Variants in PTPRC observed in about 807,000 individuals in gnomAD.
The protein encoded by PTPRC is receptor-type tyrosine-protein phosphatase C.
PTPRC carries 44 observed loss-of-function variants against 155.9 expected under a neutral mutation model. The ratio of observed to expected loss-of-function variants is 0.28; its 90% CI spans 0.22 to 0.36. The LOEUF is 0.36. PTPRC is among the 10% of genes least tolerant of loss of function. The pLI, the probability that PTPRC is intolerant of heterozygous loss-of-function variation, is 1.00. For missense variants in PTPRC, 1,401 were observed against 1,564.6 expected (o/e 0.90, Z 1.76); for synonymous variants, 525 against 533.1 (o/e 0.98, Z 0.21).
At chr1:198,677,467 T>A (rs1172804452) in intron 2 of PTPRC, among the ~76,000 whole-genome samples, 1 of 152,038 alleles carries the variant, frequency 6.6e-6, no homozygotes, top group Non-Finnish European at 1.5e-5. Context: ...CATTGCTATT[T>A]TTTTTTTTTC....
At chr1:198,696,600 T>C (rs1278932117) in intron 3 of PTPRC, 112 bp from the exon 4 acceptor site, 2 of 874,048 alleles carry the variant, frequency 2.3e-6, no homozygotes, top group East Asian at 2.4e-5. Context: ...TGTAGATATA[T>C]GTACATACAC....
intron 2 of PTPRC, among the ~76,000 whole-genome samples, chr1:198,686,788 T>G (rs1665647570): frequency 6.6e-6 from 1 of 152,236 alleles, no homozygotes; most frequent in Non-Finnish European, 1.5e-5. Flanking sequence ...TTCCCAGATC[T>G]ATTTGACTCC....
At position 198,718,255 on chromosome 1, in the gene PTPRC, G is replaced by T. The variant is rs144856406; in HGVS notation, c.1612G>T (p.Asp538Tyr). 2.5e-6 allele frequency: 4 copies of T among 1,613,972 alleles called. No homozygotes were observed. The highest frequency in any genetic ancestry group is 3.4e-6 in the Non-Finnish European group (4 of 1,179,938). ...LVRNESHKNCDFRVKDLQYST... is the reference protein window; with the variant it reads ...LVRNESHKNCYFRVKDLQYST... ...TAGAAATGAGTCGCATAAGAATTGC[G>T]ATTTCCGTGTAAAAGATCTTCAATA... Residue 538 changes from aspartate (D) to tyrosine (Y), a missense_variant, in exon 14 of 33, where the codon GAT becomes TAT. By Grantham distance (160) the Asp-to-Tyr change is radical. Transcript: ENST00000442510.
At chr1:198,639,567 AG>A (rs1662460875) in intron 2 of PTPRC, among the ~76,000 whole-genome samples, 1 of 152,088 alleles carries the variant, frequency 6.6e-6, no homozygotes, top group Non-Finnish European at 1.5e-5. Context: ...CAATTTTAAA[AG>A]GAAAGCAATG....
chr1:198,690,820 G>T (rs1051618544), intron 2 of PTPRC, among the ~76,000 whole-genome samples: 1 of 152,016 alleles, frequency 6.6e-6, no homozygotes, highest in African/African-American at 2.4e-5. Context: ...CTTTTAAATA[G>T]GCATTTACTA....
chr1:198,733,629 A>G (rs1654495673), intron 20 of PTPRC, among the ~76,000 whole-genome samples: 1 of 151,778 alleles, frequency 6.6e-6, no homozygotes, highest in East Asian at 1.9e-4. Flanking sequence ...GTACTCCTTT[A>G]TCTTGGTAAC....
chr1:198,747,001 C>T (rs1655163529), intron 26 of PTPRC, among the ~76,000 whole-genome samples: 2 of 151,756 alleles, frequency 1.3e-5, no homozygotes, highest in African/African-American at 4.8e-5. Context: ...TCTATATACA[C>T]ACACGTATCT....
At chr1:198,733,132 A>G (rs1654472947) in intron 20 of PTPRC, among the ~76,000 whole-genome samples, 1 of 151,868 alleles carries the variant, frequency 6.6e-6, no homozygotes, top group African/African-American at 2.4e-5. Context: ...TTAATTTATT[A>G]TACAAATGTT....
Position 198,729,171 on chromosome 1 carries a change from G to T in PTPRC, c.1864G>T (p.Asp622Tyr). 4 of 1,608,508 alleles carry T rather than the reference G, an allele frequency of 2.5e-6. No individual in the cohort carries two copies. Among genetic ancestry groups the T allele is most frequent in the Non-Finnish European group, 3.4e-6 (4 of 1,177,080 alleles). ...TGAACAGCAGGAGCTTGTTGAAAGG[G>T]GTAAGTATGTATATTTTTGCTGATG... is the stretch of plus-strand genomic sequence containing the variant. ...LDEQQELVER[D>Y]DEKQLMNVEP... The change falls in exon 17 of 33, where the codon GAT (aspartate) becomes TAT (tyrosine). Residue 622 changes from aspartate to tyrosine, a missense_variant and splice_region_variant. Around this residue, in one of 3 missense-constraint regions of PTPRC, gnomAD observed 867 missense variants for 970.4 expected, o/e 0.89. Transcript: ENST00000442510.
chr1:198,666,053 C>T (rs997838993), intron 2 of PTPRC, among the ~76,000 whole-genome samples: 2 of 151,856 alleles, frequency 1.3e-5, no homozygotes, highest in Non-Finnish European at 2.9e-5. Context: ...CCGGCCTGGG[C>T]AACATGGCAA....
chr1:198,721,109 A>G (rs1653865597), intron 14 of PTPRC, among the ~76,000 whole-genome samples: 1 of 152,198 alleles, frequency 6.6e-6, no homozygotes. Flanking sequence ...CTCTTCCCCC[A>G]ATCTTCAAAA....
chr1:198,701,941 C>G (rs1160778899), intron 5 of PTPRC, among the ~76,000 whole-genome samples: 3 of 152,216 alleles, frequency 2.0e-5, no homozygotes, highest in South Asian at 2.1e-4. Flanking sequence ...GAGGTGTGTG[C>G]CTGCAAGGCT....
intron 2 of PTPRC, among the ~76,000 whole-genome samples, chr1:198,644,431 G>A (rs1257792821): frequency 1.3e-5 from 2 of 151,708 alleles, no homozygotes; most frequent in African/African-American, 2.4e-5. Context: ...AAAAATTATG[G>A]CAATCACTGG....
At chr1:198,716,583 G>C (rs2102439155) in intron 12 of PTPRC, 99 bp from the exon 13 acceptor site, 1 of 1,045,580 alleles carries the variant, frequency 9.6e-7, no homozygotes, top group South Asian at 1.4e-5. Flanking sequence ...ATAGTTTGGA[G>C]TTCACTTGGA....
At chr1:198,678,214 G>A (rs1472923408) in intron 2 of PTPRC, among the ~76,000 whole-genome samples, 2 of 152,080 alleles carry the variant, frequency 1.3e-5, no homozygotes, top group African/African-American at 4.8e-5. Flanking sequence ...AGGATACAAG[G>A]GATGCTGATT....
rs1239843210 is a variant in PTPRC, at chr1:198,679,669, G to T, written c.74-12678G>T. On this transcript the variant is annotated intron_variant, in intron 2 of 32. Coordinates refer to ENST00000442510, the MANE Select transcript of PTPRC (RefSeq NM_002838.5). ...TCGTCACACTTCAGCAGCCTGTCCT[G>T]TTTGTAAACCAGCCAGACATAGCGG... 1.6e-5 allele frequency: 5 copies of T among 305,280 alleles called. 1 individual carries two copies. Among genetic ancestry groups the T allele is most frequent in the African/African-American group, 1.1e-4 (5 of 46,078 alleles). 18.9% of individuals were successfully genotyped at this position (305,280 alleles called of 1,614,324 possible).
At chr1:198,720,487 G>A (rs1653835912) in intron 14 of PTPRC, among the ~76,000 whole-genome samples, 1 of 151,952 alleles carries the variant, frequency 6.6e-6, no homozygotes, top group African/African-American at 2.4e-5. Context: ...GCACCACCAT[G>A]CCTGGCTAAT....
intron 2 of PTPRC, among the ~76,000 whole-genome samples, chr1:198,687,906 C>T (rs1289134755): frequency 6.6e-6 from 1 of 150,440 alleles, no homozygotes; most frequent in African/African-American, 2.4e-5. Context: ...TTTTCAGGCA[C>T]GAAAACATTT....
intron 13 of PTPRC, among the ~76,000 whole-genome samples, 182 bp from the exon 14 acceptor site, chr1:198,717,912 A>T (rs1653673009): frequency 6.6e-6 from 1 of 152,170 alleles, no homozygotes; most frequent in Admixed American, 6.5e-5. Context: ...TTACTGAATA[A>T]ATGAGTGATT....
Sources: gnomAD v4.1 joint callset for allele counts (sites outside exome capture counted in the v4.1 genomes callset) on GRCh38, gnomAD v4.1.1 for gene constraint, gnomAD v4.1.1 regional missense constraint, MANE v1.5 for transcripts, NCBI Gene and HGNC (gene_info 2026-07-23, HGNC 2026-07-21) for gene names.